GOSR1: variants seen among roughly 807,000 people sequenced by gnomAD.
GOSR1 encodes the protein 28 kDa Golgi SNARE protein.
Under a neutral mutation model 35.5 loss-of-function variants are expected in GOSR1, and 21 were observed. That is an observed-to-expected ratio of 0.59 (90% CI 0.42 to 0.85). The LOEUF (loss-of-function observed/expected upper bound fraction) is 0.85, where lower values mean the gene tolerates loss of function less well. GOSR1 is among the 40% of genes least tolerant of loss of function. GOSR1 has a pLI of 0.00. For missense variants in GOSR1, 285 were observed against 309.6 expected (o/e 0.92, Z 0.60); for synonymous variants, 94 against 106.6 (o/e 0.88, Z 0.73).
intron 4 of GOSR1, among the ~76,000 whole-genome samples, chr17:30,489,121 C>T (rs184317680): frequency 1.4e-4 from 22 of 152,236 alleles, no homozygotes; most frequent in Non-Finnish European, 2.8e-4. Flanking sequence ...CAGTGGCTCA[C>T]GCCTGTAATC....
chr17:30,505,072 G>A (rs1334046943), intron 6 of GOSR1, among the ~76,000 whole-genome samples: 3 of 152,074 alleles, frequency 2.0e-5, no homozygotes, highest in African/African-American at 7.2e-5. Flanking sequence ...CTGATTATCT[G>A]TTTTTTTAAA....
chr17:30,511,566 G>C (rs1473354234), intron 7 of GOSR1, among the ~76,000 whole-genome samples: 1 of 149,142 alleles, frequency 6.7e-6, no homozygotes, highest in Non-Finnish European at 1.5e-5. Flanking sequence ...TTTCACTCTT[G>C]TTGCCCAGGC....
intron 6 of GOSR1, among the ~76,000 whole-genome samples, chr17:30,499,441 A>C (rs1445544399): frequency 6.7e-6 from 1 of 148,342 alleles, no homozygotes; most frequent in Non-Finnish European, 1.5e-5. Context: ...TCCTGGGTTC[A>C]TGACATTCTC....
rs1455135830 is a variant in GOSR1, at chr17:30,481,130, AAT to A, written c.32-12_32-11del. The stretch of plus-strand genomic sequence containing the variant: ...TTTATGTCTAATTATTTGTTGTTAT[AAT>A]TTTGTTAAAGATCTCAGGAAACAGG... On this transcript the variant is annotated splice_polypyrimidine_tract_variant and intron_variant, in intron 1 of 8. Coordinates refer to ENST00000451249, the MANE Select transcript of GOSR1 (RefSeq NM_001007025.2). 1 of 1,555,040 alleles carries A rather than the reference AAT, an allele frequency of 6.4e-7. No homozygotes were observed. The highest frequency in any genetic ancestry group is 2.2e-5 in the East Asian group (1 of 44,596).
chr17:30,486,019 T>TAA (rs753646179), intron 4 of GOSR1, among the ~76,000 whole-genome samples: 33 of 76,140 alleles, frequency 4.3e-4, no homozygotes, highest in African/African-American at 1.0e-3. Flanking sequence ...AGACTCCATC[T>TAA]AAAAAAAAAA....
chr17:30,504,593 A>G (rs925543948), intron 6 of GOSR1, among the ~76,000 whole-genome samples: 5 of 152,230 alleles, frequency 3.3e-5, no homozygotes, highest in Admixed American at 2.0e-4. Context: ...GTTTCATTAC[A>G]TGTAAAATGT....
In GOSR1 at chr17:30,490,183, G is replaced by C; in HGVS notation, c.400G>C (p.Glu134Gln). 1 of 1,559,114 alleles carries C rather than the reference G, an allele frequency of 6.4e-7. No individual in the cohort carries two copies. Among genetic ancestry groups the C allele is most frequent in the Non-Finnish European group, 8.8e-7 (1 of 1,130,158 alleles). Residue 134 changes from glutamate (E) to glutamine (Q), a missense_variant, in exon 5 of 9, where the codon GAG becomes CAG. Physicochemically the swap from Glu to Gln is conservative, Grantham distance 29. Around this residue, in one of 3 missense-constraint regions of GOSR1, gnomAD observed 168 missense variants for 183.2 expected, o/e 0.92. Transcript: ENST00000451249. Reference sequence around the variant, plus strand: ...AAACTTTATGGCAATACGGGAAAGGGAGAATCTTATGGGATCAGTACGAAA... The same window carrying C: ...AAACTTTATGGCAATACGGGAAAGGCAGAATCTTATGGGATCAGTACGAAA... ...KANFMAIRER[E>Q]NLMGSVRKDI... is the part of the protein sequence containing the mutation.
At chr17:30,481,340 T>G in intron 2 of GOSR1, 83 bp downstream of exon 2, 1 of 990,080 alleles carries the variant, frequency 1.0e-6, no homozygotes, top group South Asian at 1.7e-5. Flanking sequence ...ATATAACTTC[T>G]GTAAGTTGGT....
At chr17:30,513,225 C>G (rs1967675581) in intron 7 of GOSR1, among the ~76,000 whole-genome samples, 1 of 152,002 alleles carries the variant, frequency 6.6e-6, no homozygotes, top group Non-Finnish European at 1.5e-5. Flanking sequence ...GCATTTTTAA[C>G]ATTTATAAAT....
intron 8 of GOSR1, among the ~76,000 whole-genome samples, chr17:30,520,657 GAC>G: frequency 6.6e-6 from 1 of 152,212 alleles, no homozygotes; most frequent in African/African-American, 2.4e-5. Flanking sequence ...CCTCTGAAAA[GAC>G]AAGCCTTCTA....
intron 7 of GOSR1, chr17:30,519,575 T>G (rs1567918587): frequency 6.3e-6 from 1 of 158,598 alleles, no homozygotes; most frequent in Non-Finnish European, 1.4e-5. Flanking sequence ...TGATTAAAGA[T>G]ATTTTAGTAG....
chr17:30,481,111 T>G (rs1460365170), intron 1 of GOSR1, 32 bp from the exon 2 acceptor site: 1 of 1,441,620 alleles, frequency 6.9e-7, no homozygotes, highest in East Asian at 2.3e-5. Context: ...ACTTTTTATG[T>G]CTAATTATTT....
intron 5 of GOSR1, among the ~76,000 whole-genome samples, chr17:30,491,938 T>G (rs1567902765): frequency 6.6e-6 from 1 of 152,118 alleles, no homozygotes; most frequent in Admixed American, 6.5e-5. Context: ...GTTATATTAT[T>G]CTGCTTTCCT....
intron 6 of GOSR1, among the ~76,000 whole-genome samples, chr17:30,503,278 A>C (rs1303515757): frequency 6.6e-6 from 1 of 152,210 alleles, no homozygotes; most frequent in Non-Finnish European, 1.5e-5. Flanking sequence ...GGGGGAAATA[A>C]GTTATTTTTT....
In GOSR1 at chr17:30,523,399, G is replaced by T. The variant is rs1461624921; in HGVS notation, c.*1021G>T. On this transcript the variant is annotated 3_prime_UTR_variant, in exon 9 of 9. Transcript: ENST00000451249. ...TCTGTCTGGCCACCCCGTCTGAGAA[G>T]TGAGGAGACCTCCGCCCGGCAGCCG... 1 of 173,480 alleles carries T rather than the reference G, an allele frequency of 5.8e-6. No homozygotes were observed. Among genetic ancestry groups the T allele is most frequent in the Non-Finnish European group, 1.2e-5 (1 of 82,806 alleles). 10.7% of individuals were successfully genotyped at this position (173,480 alleles called of 1,614,324 possible). A position where few individuals can be genotyped will look rare whatever the true frequency, so the allele number is the denominator to read the frequency against.
intron 6 of GOSR1, among the ~76,000 whole-genome samples, chr17:30,504,151 C>T (rs1245186774): frequency 2.6e-5 from 4 of 151,880 alleles, no homozygotes; most frequent in East Asian, 1.9e-4. Flanking sequence ...CTCGGCCTCC[C>T]GAGTAGCTGG....
chr17:30,520,078 G>A, intron 8 of GOSR1, 57 bp downstream of exon 8: 2 of 1,110,892 alleles, frequency 1.8e-6, no homozygotes, highest in Non-Finnish European at 2.8e-6. Flanking sequence ...AGAAGTGTCT[G>A]TGTGTGCTTT....
At chr17:30,493,284 A>G (rs2143709094) in intron 6 of GOSR1, among the ~76,000 whole-genome samples, 1 of 152,190 alleles carries the variant, frequency 6.6e-6, no homozygotes, top group East Asian at 1.9e-4. Context: ...GTGAGCCACC[A>G]CCGCACCCGG....
Position 30,524,642 on chromosome 17 carries a change from C to G in GOSR1, c.*2264C>G, listed in dbSNP as rs1199794501. The G allele has an allele frequency of 6.6e-6, 1 of 152,066 alleles. No homozygotes were observed. The highest frequency in any genetic ancestry group is 1.5e-5 in the Non-Finnish European group (1 of 68,018). 9.4% of individuals were successfully genotyped at this position (152,066 alleles called of 1,614,324 possible). A position where few individuals can be genotyped will look rare whatever the true frequency, so the allele number is the denominator to read the frequency against. On this transcript the variant is annotated 3_prime_UTR_variant, in exon 9 of 9. Coordinates refer to ENST00000451249, the MANE Select transcript of GOSR1 (RefSeq NM_001007025.2). ...CGAATCACCAGTGTCTGTCAGTGCC[C>G]CCACTGCTCCTCCTCATACCAGCAT...
Sources: gnomAD v4.1 joint callset for allele counts (sites outside exome capture counted in the v4.1 genomes callset) on GRCh38, gnomAD v4.1.1 for gene constraint, gnomAD v4.1.1 regional missense constraint, MANE v1.5 for transcripts, NCBI Gene and HGNC (gene_info 2026-07-23, HGNC 2026-07-21) for gene names.